MACROD1: variants seen among roughly 807,000 people sequenced by gnomAD.
MACROD1 encodes the protein ADP-ribose glycohydrolase MACROD1.
A neutral mutation model predicts 41.4 loss-of-function variants in MACROD1; 31 were observed. That is an observed-to-expected ratio of 0.75 (90% CI 0.56 to 1.01). The LOEUF (loss-of-function observed/expected upper bound fraction) is 1.01. Among genes scored for constraint, MACROD1 ranks in the 50% least tolerant of loss-of-function variants. MACROD1 has a pLI of 0.00. For synonymous variants in MACROD1, 252 were observed against 203.4 expected (o/e 1.24, Z -2.03); for missense variants, 473 against 460.0 (o/e 1.03, Z -0.26).
intron 3 of MACROD1, among the ~76,000 whole-genome samples, chr11:64,098,539 G>A (rs374446891): frequency 3.9e-5 from 6 of 152,238 alleles, no homozygotes; most frequent in African/African-American, 1.4e-4. Context: ...ACTGCTCTCT[G>A]CAATGGGAAA....
chr11:64,155,121 G>A (rs1409572970), intron 1 of MACROD1, among the ~76,000 whole-genome samples: 1 of 152,232 alleles, frequency 6.6e-6, no homozygotes, highest in African/African-American at 2.4e-5. Flanking sequence ...GCACCTGAGG[G>A]TGCCTGAGGG....
intron 1 of MACROD1, among the ~76,000 whole-genome samples, chr11:64,155,324 C>G (rs1269445371): frequency 1.3e-5 from 2 of 152,264 alleles, no homozygotes; most frequent in Non-Finnish European, 2.9e-5. Flanking sequence ...TCGGTCTCTC[C>G]AGGTCTGCCT....
intron 3 of MACROD1, among the ~76,000 whole-genome samples, chr11:64,065,840 TGCACAG>T (rs1308865279): frequency 6.7e-6 from 1 of 149,672 alleles, no homozygotes; most frequent in Non-Finnish European, 1.5e-5. Flanking sequence ...CCTCTCTCCA[TGCACAG>T]GCAGGCAGGT....
At chr11:64,071,055 C>A (rs1333406210) in intron 3 of MACROD1, among the ~76,000 whole-genome samples, 1 of 152,124 alleles carries the variant, frequency 6.6e-6, no homozygotes, top group Non-Finnish European at 1.5e-5. Flanking sequence ...CTCTGTGCAC[C>A]TGTTGGGGAC....
At chr11:64,095,285 A>G (rs1385179052) in intron 3 of MACROD1, among the ~76,000 whole-genome samples, 3 of 152,056 alleles carry the variant, frequency 2.0e-5, no homozygotes, top group Admixed American at 6.5e-5. Flanking sequence ...TGTTACAACC[A>G]TTTTCTCCTC....
At chr11:64,124,112 C>T (rs1181594598) in intron 3 of MACROD1, among the ~76,000 whole-genome samples, 7 of 152,262 alleles carry the variant, frequency 4.6e-5, no homozygotes, top group Non-Finnish European at 7.3e-5. Context: ...CAAAGAGCCA[C>T]TTGTGCCAGC....
intron 3 of MACROD1, among the ~76,000 whole-genome samples, chr11:64,131,180 G>C (rs1271762766): frequency 6.6e-6 from 1 of 152,200 alleles, no homozygotes; most frequent in Non-Finnish European, 1.5e-5. Context: ...ACTGCAGAGG[G>C]AAATGGGGGC....
chr11:64,057,678 C>G (rs1451924764), intron 3 of MACROD1, among the ~76,000 whole-genome samples: 1 of 152,224 alleles, frequency 6.6e-6, no homozygotes, highest in African/African-American at 2.4e-5. Context: ...CCCAGGGTGT[C>G]TGCTCCCCCA....
At chr11:64,000,624 G>A (rs1288588138) in intron 4 of MACROD1, among the ~76,000 whole-genome samples, 1 of 152,032 alleles carries the variant, frequency 6.6e-6, no homozygotes, top group Non-Finnish European at 1.5e-5. Context: ...TCCAGGCCGC[G>A]CCGCCAGGGC....
intron 3 of MACROD1, among the ~76,000 whole-genome samples, chr11:64,062,223 T>C (rs1943918635): frequency 3.3e-5 from 5 of 152,080 alleles, no homozygotes; most frequent in Admixed American, 2.6e-4. Context: ...CACCTCCCCT[T>C]TGCTTCTTGG....
intron 4 of MACROD1, among the ~76,000 whole-genome samples, chr11:64,005,237 C>T (rs1471225265): frequency 6.6e-6 from 1 of 151,996 alleles, no homozygotes; most frequent in Non-Finnish European, 1.5e-5. Context: ...GCCATGTTGG[C>T]CAGGCTGGTC....
At chr11:63,999,269 G>A (rs1942773412) in intron 8 of MACROD1, 62 bp downstream of exon 8, 1 of 1,523,200 alleles carries the variant, frequency 6.6e-7, no homozygotes, top group South Asian at 1.2e-5. Flanking sequence ...CCTGGGCGAT[G>A]ATGGGGGCTG....
rs1942781237 is a variant in MACROD1, at chr11:63,999,572, G to A, written c.787-12C>T. On this transcript the variant is annotated splice_polypyrimidine_tract_variant and intron_variant, in intron 6 of 10. Coordinates refer to ENST00000255681, the MANE Select transcript of MACROD1 (RefSeq NM_014067.4). ...ATGCAGGGGAACGCCTGGGCGGGGA[G>A]GGGTGAGAGGGGGTTGGAACATTGT... The A allele has an allele frequency of 6.2e-7, 1 of 1,609,804 alleles. No individual in the cohort carries two copies. Among genetic ancestry groups the A allele is most frequent in the African/African-American group, 1.3e-5 (1 of 74,886 alleles).
chr11:64,021,539 T>C (rs1590807037), intron 3 of MACROD1, among the ~76,000 whole-genome samples: 1 of 152,186 alleles, frequency 6.6e-6, no homozygotes, highest in Non-Finnish European at 1.5e-5. Flanking sequence ...CAGAGGTGAC[T>C]TTGAGGCGGG....
intron 3 of MACROD1, among the ~76,000 whole-genome samples, chr11:64,045,840 A>G (rs1943574616): frequency 1.3e-5 from 2 of 152,320 alleles, no homozygotes; most frequent in Admixed American, 1.3e-4. Flanking sequence ...TAATCCCAGC[A>G]TCTTGGGAGG....
chr11:64,023,018 C>T (rs937526847), intron 3 of MACROD1, among the ~76,000 whole-genome samples: 10 of 152,150 alleles, frequency 6.6e-5, no homozygotes, highest in South Asian at 4.2e-4. Flanking sequence ...TGTGCCACCA[C>T]GCCGGGCTAA....
intron 3 of MACROD1, among the ~76,000 whole-genome samples, chr11:64,148,237 A>G (rs1243113703): frequency 3.9e-5 from 6 of 152,068 alleles, no homozygotes; most frequent in Non-Finnish European, 8.8e-5. Context: ...AGGATGGAGG[A>G]GGGTGGGGGG....
intron 3 of MACROD1, among the ~76,000 whole-genome samples, chr11:64,100,667 G>T (rs559678284): frequency 6.6e-6 from 1 of 152,156 alleles, no homozygotes; most frequent in African/African-American, 2.4e-5. Context: ...ATCATTATGC[G>T]CCCACACAAG....
intron 3 of MACROD1, among the ~76,000 whole-genome samples, chr11:64,066,329 AGGCCAAGCATG>A (rs757965714): frequency 9.1e-4 from 133 of 146,902 alleles, no homozygotes; most frequent in Non-Finnish European, 1.7e-3. Context: ...AGATGAATTT[AGGCCAAGCATG>A]GGTGGCTCAC....
Sources: gnomAD v4.1 joint callset for allele counts (sites outside exome capture counted in the v4.1 genomes callset) on GRCh38, gnomAD v4.1.1 for gene constraint, MANE v1.5 for transcripts, NCBI Gene and HGNC (gene_info 2026-07-23, HGNC 2026-07-21) for gene names.